The following TCF7L2 variants were observed in gnomAD, a reference collection of about 807,000 sequenced individuals.
TCF7L2 encodes transcription factor 7 like 2.
TCF7L2 carries 23 observed loss-of-function variants against 77.9 expected under a neutral mutation model. The observed-to-expected ratio is 0.30, with a 90% CI of 0.21 to 0.42. TCF7L2 has a LOEUF of 0.42. TCF7L2 is among the 10% of genes least tolerant of loss of function. The pLI, the probability that TCF7L2 is intolerant of heterozygous loss-of-function variation, is 1.00. For missense variants in TCF7L2, 654 were observed against 793.1 expected (o/e 0.82, Z 2.11); for synonymous variants, 413 against 340.2 (o/e 1.21, Z -2.36).
chr10:112,961,809 G>A (rs720785), intron 3 of TCF7L2, among the ~76,000 whole-genome samples: 1 of 145,168 alleles, frequency 6.9e-6, no homozygotes, highest in Non-Finnish European at 1.5e-5. Flanking sequence ...CGCTGGGCAC[G>A]TGAGGGAAGT....
chr10:113,130,560 T>C (rs2066421752), intron 5 of TCF7L2, among the ~76,000 whole-genome samples: 1 of 152,174 alleles, frequency 6.6e-6, no homozygotes, highest in Non-Finnish European at 1.5e-5. Flanking sequence ...GATGCTGGCT[T>C]TTTAGGGCTA....
intron 4 of TCF7L2, among the ~76,000 whole-genome samples, chr10:112,974,152 A>G (rs889310290): frequency 6.6e-6 from 1 of 152,252 alleles, no homozygotes; most frequent in African/African-American, 2.4e-5. Context: ...AAAATAAAAC[A>G]ATCTAGTTTT....
At chr10:113,144,139 T>TGTG in intron 7 of TCF7L2, 114 bp downstream of exon 7, 1 of 822,308 alleles carries the variant, frequency 1.2e-6, no homozygotes, top group Non-Finnish European at 1.8e-6. Context: ...TGTGTGTGTA[T>TGTG]GTGTGTGTGT....
At position 112,950,870 on chromosome 10, in the gene TCF7L2, G is replaced by C. The variant is rs2134178041; in HGVS notation, c.114G>C (p.Glu38Asp). 2.5e-6 allele frequency: 4 copies of C among 1,611,818 alleles called. No homozygotes were observed. The highest frequency in any genetic ancestry group is 3.4e-6 in the Non-Finnish European group (4 of 1,179,200). Residue 38 changes from glutamate to aspartate, a missense_variant, in exon 1 of 14, where the codon GAG (glutamate) becomes GAC (aspartate). Coordinates refer to ENST00000627217, the MANE Select transcript of TCF7L2 (RefSeq NM_001146274.2). ...AGAGCTCCGAAAACTCCTCGGCAGA[G>C]AGGGATTTAGCTGATGTCAAATCGT...
chr10:113,100,964 ACTCGGGAGGCTGAGGC>A (rs2061565706), intron 5 of TCF7L2, among the ~76,000 whole-genome samples: 7 of 152,080 alleles, frequency 4.6e-5, no homozygotes, highest in African/African-American at 1.7e-4. Context: ...AATCCCAGCT[ACTCGGGAGGCTGAGGC>A]AGGAGAATTG....
chr10:113,034,716 T>G (rs2050841137), intron 4 of TCF7L2, among the ~76,000 whole-genome samples: 2 of 151,886 alleles, frequency 1.3e-5, no homozygotes, highest in Non-Finnish European at 2.9e-5. Flanking sequence ...ACCAACATGG[T>G]AAAACCCGAT....
At chr10:113,156,887 C>T (rs1458009584) in intron 11 of TCF7L2, among the ~76,000 whole-genome samples, 4 of 152,202 alleles carry the variant, frequency 2.6e-5, no homozygotes, top group African/African-American at 7.2e-5. Context: ...CAGTTTTCTC[C>T]TCTGTGAAAC....
intron 13 of TCF7L2, chr10:113,161,644 G>A (rs151135443): frequency 2.0e-6 from 3 of 1,534,990 alleles, no homozygotes; most frequent in Non-Finnish European, 2.6e-6. Flanking sequence ...CCTGTTTGTA[G>A]TGCCTCCCTC....
At chr10:112,959,960 AAC>A (rs1452291263) in intron 3 of TCF7L2, among the ~76,000 whole-genome samples, 1 of 148,472 alleles carries the variant, frequency 6.7e-6, no homozygotes, top group Non-Finnish European at 1.5e-5. Context: ...CAAAAAAACT[AAC>A]ACCTCCTAGG....
At chr10:113,013,387 G>A (rs1163810615) in intron 4 of TCF7L2, among the ~76,000 whole-genome samples, 1 of 152,194 alleles carries the variant, frequency 6.6e-6, no homozygotes, top group Non-Finnish European at 1.5e-5. Flanking sequence ...CCAGAGTGCT[G>A]GGATTACGGG....
chr10:113,097,233 G>T (rs2061093261), intron 5 of TCF7L2, among the ~76,000 whole-genome samples: 1 of 152,132 alleles, frequency 6.6e-6, no homozygotes, highest in Admixed American at 6.5e-5. Flanking sequence ...AAGTCCACTT[G>T]TTCCTGAGAA....
At chr10:112,960,035 ATAAAG>A (rs2034670034) in intron 3 of TCF7L2, among the ~76,000 whole-genome samples, 1 of 152,092 alleles carries the variant, frequency 6.6e-6, no homozygotes, top group Non-Finnish European at 1.5e-5. Context: ...AAAACTGAAA[ATAAAG>A]TAAATGTTCC....
intron 5 of TCF7L2, among the ~76,000 whole-genome samples, chr10:113,076,061 A>G (rs2058657809): frequency 6.8e-6 from 1 of 146,624 alleles, no homozygotes; most frequent in Non-Finnish European, 1.5e-5. Flanking sequence ...ACTTAAACCC[A>G]GGAGGCGAAG....
At chr10:113,111,206 G>T (rs974102530) in intron 5 of TCF7L2, among the ~76,000 whole-genome samples, 1 of 152,108 alleles carries the variant, frequency 6.6e-6, no homozygotes, top group Non-Finnish European at 1.5e-5. Flanking sequence ...TGACTTTGAG[G>T]AAATTATACC....
rs574071382 is a variant in TCF7L2 at position 113,052,065 on chromosome 10, G to GT, written c.552+11942dup. 9.9e-4 allele frequency among the ~76,000 whole-genome samples: 150 copies of GT among 152,282 alleles called. 1 individual carries two copies. The highest frequency in any genetic ancestry group is 6.7e-3 in the Admixed American group (103 of 15,308). On this transcript the variant is annotated intron_variant, in intron 5 of 13. Coordinates refer to ENST00000627217, the MANE Select transcript of TCF7L2 (RefSeq NM_001146274.2). ...TTGGTGGCAAGCTGAGCATACAGTT[G>GT]TTTATTTCTGTTTGACTGATTATTA...
intron 7 of TCF7L2, 53 bp from the exon 8 acceptor site, chr10:113,145,958 T>TG: frequency 1.6e-5 from 21 of 1,350,228 alleles, no homozygotes; most frequent in Non-Finnish European, 1.9e-5. Context: ...CTTTTTCTTG[T>TG]CCCCACCCCC....
chr10:113,150,871 T>C (rs1564967766), intron 8 of TCF7L2, 127 bp from the exon 9 acceptor site: 1 of 1,265,486 alleles, frequency 7.9e-7, no homozygotes, highest in Non-Finnish European at 1.1e-6. Context: ...ACAGGTTTCA[T>C]ATGCCTTGGG....
intron 5 of TCF7L2, chr10:113,089,517 G>C: frequency 6.2e-7 from 1 of 1,613,874 alleles, no homozygotes; most frequent in Non-Finnish European, 8.5e-7. Context: ...CTTACAAAAA[G>C]TTGGGGAGCC....
chr10:113,120,582 C>A (rs2064611474), intron 5 of TCF7L2, among the ~76,000 whole-genome samples: 1 of 152,146 alleles, frequency 6.6e-6, no homozygotes, highest in African/African-American at 2.4e-5. Flanking sequence ...GTCTTGGGTA[C>A]TGAGAAAATC....
Sources: gnomAD v4.1 joint callset for allele counts (sites outside exome capture counted in the v4.1 genomes callset) on GRCh38, gnomAD v4.1.1 for gene constraint, MANE v1.5 for transcripts, NCBI Gene and HGNC (gene_info 2026-07-23, HGNC 2026-07-21) for gene names.